The following MINDY4 variants were observed in gnomAD, a reference collection of about 807,000 sequenced individuals.
MINDY4 encodes MINDY lysine 48 deubiquitinase 4, also known as probable ubiquitin carboxyl-terminal hydrolase MINDY-4.
Under a neutral mutation model 87.0 loss-of-function variants are expected in MINDY4, and 68 were observed. That is an observed-to-expected ratio of 0.78 (90% confidence interval 0.64 to 0.96). The LOEUF (loss-of-function observed/expected upper bound fraction) is 0.96. Ranked by LOEUF, MINDY4 falls within the 40% of genes least tolerant of loss-of-function variation. The pLI is 0.00. For synonymous variants in MINDY4, 379 were observed against 363.2 expected (o/e 1.04, Z -0.50); for missense variants, 919 against 928.2 (o/e 0.99, Z 0.13).
At chr7:30,829,442 A>T (rs1004014947) in intron 6 of MINDY4, among the ~76,000 whole-genome samples, 1 of 152,228 alleles carries the variant, frequency 6.6e-6, no homozygotes, top group African/African-American at 2.4e-5. Flanking sequence ...TCTGGAGCCA[A>T]CAGTTTACCT....
intron 1 of MINDY4, among the ~76,000 whole-genome samples, chr7:30,776,592 T>C (rs1786824395): frequency 6.6e-6 from 1 of 152,242 alleles, no homozygotes; most frequent in Admixed American, 6.5e-5. Context: ...GCTCTGCCTC[T>C]AGCAACTGGA....
At chr7:30,860,553 G>C (rs1173336656) in intron 13 of MINDY4, among the ~76,000 whole-genome samples, 1 of 152,114 alleles carries the variant, frequency 6.6e-6, no homozygotes, top group Non-Finnish European at 1.5e-5. Flanking sequence ...GGAGTCTCCA[G>C]ATCTCCCTGA....
chr7:30,856,859 C>T (rs1385794017), intron 12 of MINDY4, among the ~76,000 whole-genome samples: 1 of 151,960 alleles, frequency 6.6e-6, no homozygotes, highest in African/African-American at 2.4e-5. Context: ...CTGTGTCCCC[C>T]TGTGCAGGGG....
chr7:30,871,300 C>G (rs755362610), intron 13 of MINDY4, among the ~76,000 whole-genome samples: 16 of 152,226 alleles, frequency 1.1e-4, no homozygotes, highest in Admixed American at 6.5e-5. Flanking sequence ...CAATTGCCAC[C>G]TGCTGAGCAC....
Position 30,839,180 on chromosome 7 carries a change from A to G in MINDY4, c.1240-20A>G. On this transcript the variant is annotated intron_variant, in intron 7 of 17. Coordinates refer to ENST00000265299, the MANE Select transcript of MINDY4 (RefSeq NM_032222.3). ...GCTTGCTTTTAAAACAACCAGTAAA[A>G]CTCTCTCTTCTTTTTATAGGAAATA... The G allele has an allele frequency of 6.6e-7, 1 of 1,520,584 alleles. No individual in the cohort carries two copies. The highest frequency in any genetic ancestry group is 1.7e-4 in the Middle Eastern group (1 of 5,802). The allele number at this position is 1,520,584 out of a possible 1,614,324, so 94.2% of individuals were successfully genotyped here.
At chr7:30,854,194 G>A (rs1417831896) in intron 12 of MINDY4, among the ~76,000 whole-genome samples, 1 of 152,212 alleles carries the variant, frequency 6.6e-6, no homozygotes, top group East Asian at 1.9e-4. Context: ...TCACCCTTCA[G>A]TAGCTCCCTG....
chr7:30,815,895 T>C (rs967093526), intron 5 of MINDY4, among the ~76,000 whole-genome samples: 2 of 152,112 alleles, frequency 1.3e-5, no homozygotes, highest in Non-Finnish European at 2.9e-5. Context: ...TCCTAATGCA[T>C]TTTTGGGTCT....
intron 5 of MINDY4, among the ~76,000 whole-genome samples, chr7:30,807,453 A>C (rs1487540412): frequency 6.6e-6 from 1 of 152,108 alleles, no homozygotes. Context: ...ACACACTCCT[A>C]GGAGTATATT....
chr7:30,852,143 G>T, intron 10 of MINDY4, 73 bp from the exon 11 acceptor site: 1 of 1,555,892 alleles, frequency 6.4e-7, no homozygotes, highest in East Asian at 2.2e-5. Flanking sequence ...AATGACACAT[G>T]TGGTTTCGCC....
At chr7:30,859,228 T>G (rs1201799249) in intron 12 of MINDY4, 29 bp from the exon 13 acceptor site, 11 of 1,605,698 alleles carry the variant, frequency 6.9e-6, no homozygotes, top group Non-Finnish European at 9.4e-6. Flanking sequence ...GCAAATGGGA[T>G]GGAGCTCATT....
intron 5 of MINDY4, among the ~76,000 whole-genome samples, chr7:30,808,365 A>G (rs1787877809): frequency 6.6e-6 from 1 of 152,082 alleles, no homozygotes; most frequent in Non-Finnish European, 1.5e-5. Flanking sequence ...GGATTGCTTG[A>G]TACTTTGGTT....
chr7:30,872,901 G>C (rs979300509), intron 14 of MINDY4, among the ~76,000 whole-genome samples: 4 of 152,228 alleles, frequency 2.6e-5, no homozygotes, highest in Non-Finnish European at 5.9e-5. Flanking sequence ...TCTACACCTG[G>C]CTTCTATCCA....
intron 5 of MINDY4, among the ~76,000 whole-genome samples, chr7:30,814,973 T>G (rs1242957955): frequency 6.6e-6 from 1 of 152,182 alleles, no homozygotes; most frequent in Non-Finnish European, 1.5e-5. Flanking sequence ...TAAGCCATGC[T>G]TTGACATATT....
At chr7:30,808,505 G>A (rs1279369791) in intron 5 of MINDY4, among the ~76,000 whole-genome samples, 6 of 152,082 alleles carry the variant, frequency 3.9e-5, no homozygotes, top group Non-Finnish European at 8.8e-5. Context: ...TGTGCATGTG[G>A]TGTGAGCGTG....
At chr7:30,852,370 C>T in intron 11 of MINDY4, 91 bp downstream of exon 11, 1 of 1,592,262 alleles carries the variant, frequency 6.3e-7, no homozygotes, top group Non-Finnish European at 8.6e-7. Context: ...CAGCTGGGGA[C>T]AGGCTGGCCT....
At chr7:30,798,071 TGACCTGGATGG>T (rs966361097) in intron 5 of MINDY4, among the ~76,000 whole-genome samples, 14 of 152,308 alleles carry the variant, frequency 9.2e-5, no homozygotes, top group African/African-American at 3.4e-4. Context: ...GTACTTACAC[TGACCTGGATGG>T]TGCAGCCTAC....
intron 5 of MINDY4, among the ~76,000 whole-genome samples, chr7:30,813,516 G>A (rs970806267): frequency 3.3e-5 from 5 of 152,170 alleles, no homozygotes; most frequent in African/African-American, 1.2e-4. Context: ...CACCTGTGCT[G>A]AACAGCTGAG....
intron 15 of MINDY4, among the ~76,000 whole-genome samples, chr7:30,877,697 T>TTTC (rs372263978): frequency 0.048 from 7,024 of 146,766 alleles, 245 homozygotes; most frequent in African/African-American, 0.084. Flanking sequence ...TTTTTTTTTT[T>TTTC]TTGAGACAAG....
chr7:30,847,545 A>AC (rs895542822), intron 9 of MINDY4, among the ~76,000 whole-genome samples: 1 of 110,536 alleles, frequency 9.0e-6, no homozygotes, highest in Non-Finnish European at 2.0e-5. Context: ...GTTTTTACTA[A>AC]CTATCTGATC....
Sources: allele counts gnomAD v4.1 joint callset (sites outside exome capture counted in the v4.1 genomes callset), GRCh38; gene constraint gnomAD v4.1.1; transcripts MANE v1.5; gene names NCBI Gene and HGNC (gene_info 2026-07-23, HGNC 2026-07-21).